DNAH2: variants seen among roughly 807,000 people sequenced by gnomAD.
The protein encoded by DNAH2 is dynein axonemal heavy chain 2, also known as axonemal beta dynein heavy chain 2.
Under a neutral mutation model 523.5 loss-of-function variants are expected in DNAH2, and 323 were observed. The observed-to-expected ratio is 0.62, with a 90% CI of 0.56 to 0.68. DNAH2 has a LOEUF of 0.68. Among genes scored for constraint, DNAH2 ranks in the 30% least tolerant of loss-of-function variants. The pLI is 0.00. For synonymous variants in DNAH2, 2,093 were observed against 2,177.4 expected (o/e 0.96, Z 1.08); for missense variants, 4,907 against 5,701.5 (o/e 0.86, Z 4.49).
chr17:7,831,689 A>C lies in DNAH2; in HGVS notation c.12640A>C (p.Ile4214Leu). 1.2e-6 allele frequency: 2 copies of C among 1,614,154 alleles called. No homozygotes were observed. Among genetic ancestry groups the C allele is most frequent in the Non-Finnish European group, 1.7e-6 (2 of 1,180,026 alleles). ...CTCACTGACAGACCTAGAGAAAGGC[A>C]TCCAGGGTCTCATCGTCATGTCTAC... Reference protein sequence around the residue: ...LFSLTDLEKGIQGLIVMSTSL... With the variant: ...LFSLTDLEKGLQGLIVMSTSL... The change falls in exon 82 of 86, where the codon ATC (isoleucine) becomes CTC (leucine). Residue 4214 changes from isoleucine (I) to leucine (L), a missense_variant. Ile to Leu is a conservative substitution (Grantham distance 5). Transcript: ENST00000572933. The surrounding 1 kb of genome is among the most constrained non-coding windows in gnomAD (Gnocchi z 4.2).
chr17:7,818,649 G>C lies in DNAH2; in HGVS notation c.10543G>C (p.Glu3515Gln). 7 of 1,613,946 alleles carry C rather than the reference G, an allele frequency of 4.3e-6. No homozygotes were observed. The highest frequency in any genetic ancestry group is 5.9e-6 in the Non-Finnish European group (7 of 1,179,986). Residue 3515 changes from glutamate (E) to glutamine (Q), a missense_variant, in exon 70 of 86, where the codon GAG becomes CAG. Physicochemically the swap from Glu to Gln is conservative, Grantham distance 29 (BLOSUM62 2). Coordinates refer to ENST00000572933, the MANE Select transcript of DNAH2 (RefSeq NM_020877.5). ...VNFAVKEQGL[E>Q]AQLLGIVVRK... ...TGAGTCCTGATGCCCCCAGGGCCTG[G>C]AGGCCCAGCTGCTGGGCATTGTGGT...
Position 7,818,876 on chromosome 17 carries a change from C to G in DNAH2, c.10671-43C>G, listed in dbSNP as rs776575869. 3 of 1,605,608 alleles carry G rather than the reference C, an allele frequency of 1.9e-6. No individual in the cohort carries two copies. The African/African-American group carries it at 4.0e-5, about 21-fold the overall frequency. ...ACAACAGCATCCCAGGGAGCCTGGTCCCGCTAACCCCTTGCTCCATGTGCC... is the reference window on the plus strand; with the variant it reads ...ACAACAGCATCCCAGGGAGCCTGGTGCCGCTAACCCCTTGCTCCATGTGCC... On this transcript the variant is annotated intron_variant, in intron 70 of 85. Coordinates refer to ENST00000572933, the MANE Select transcript of DNAH2 (RefSeq NM_020877.5).
chr17:7,819,913 G>C (rs2077806840), intron 72 of DNAH2, among the ~76,000 whole-genome samples: 1 of 152,092 alleles, frequency 6.6e-6, no homozygotes, highest in Non-Finnish European at 1.5e-5. Flanking sequence ...CTCATCCTTG[G>C]ATGGCACCAA....
Position 7,763,985 on chromosome 17 carries a change from G to A in DNAH2, c.3133G>A (p.Gly1045Arg). The A allele has an allele frequency of 1.2e-6, 2 of 1,614,222 alleles. No homozygotes were observed. Among genetic ancestry groups the A allele is most frequent in the Non-Finnish European group, 1.7e-6 (2 of 1,180,044 alleles). The change falls in exon 19 of 86, where the codon GGG (glycine) becomes AGG (arginine). Residue 1045 changes from glycine to arginine, a missense_variant. Coordinates refer to ENST00000572933, the MANE Select transcript of DNAH2 (RefSeq NM_020877.5). Reference sequence around the variant, plus strand: ...GACTCTGCTCAGGGAGATGGCTGCTGGGCGCCTCCTGGAGCTGCACACCTA... The same window carrying A: ...GACTCTGCTCAGGGAGATGGCTGCTAGGCGCCTCCTGGAGCTGCACACCTA... The part of the protein sequence containing the change: ...FATLLREMAA[G>R]RLLELHTYLK...
At position 7,780,603 on chromosome 17, in the gene DNAH2, G is replaced by T. The variant is rs1173842783; in HGVS notation, c.5851-27G>T. 6.2e-7 allele frequency: 1 copy of T among 1,612,308 alleles called. No homozygotes were observed. ...AGAGGGATTTGTGGGGAGATGGACT[G>T]TTTCCTCCTCTGTTTTGGTTCCCCA... On this transcript the variant is annotated intron_variant, in intron 37 of 85. Coordinates refer to ENST00000572933, the MANE Select transcript of DNAH2 (RefSeq NM_020877.5). The surrounding 1 kb of genome is among the most constrained non-coding windows in gnomAD (Gnocchi z 4.4).
chr17:7,831,178 C>T lies in DNAH2; in HGVS notation c.12323C>T (p.Pro4108Leu). 1 of 1,614,018 alleles carries T rather than the reference C, an allele frequency of 6.2e-7. No individual in the cohort carries two copies. Among genetic ancestry groups the T allele is most frequent in the Non-Finnish European group, 8.5e-7 (1 of 1,179,868 alleles). Residue 4108 changes from proline to leucine, a missense_variant, in exon 80 of 86, where the codon CCT (proline) becomes CTT (leucine). This residue lies in a region of DNAH2 where 1,851 missense variants were observed against 2,139.4 expected (regional missense o/e 0.87). Transcript: ENST00000572933. This position sits in a 1 kb window ranked among gnomAD's most constrained non-coding sequence, Gnocchi z 4.2. ...AGCTTATTGCCTGGCATGGACCCCC[C>T]TGAGGCCTTTGGCCAGCACCCCAAT... The part of the protein sequence containing the change: ...YISLLPGMDP[P>L]EAFGQHPNAD...
intron 12 of DNAH2, 81 bp downstream of exon 12, chr17:7,743,223 C>G: frequency 7.5e-7 from 1 of 1,336,018 alleles, no homozygotes; most frequent in East Asian, 2.4e-5. Context: ...CTTTTGACTC[C>G]TCTCTTCATT....
Position 7,804,509 on chromosome 17 carries a change from T to C in DNAH2, c.9183+43T>C, listed in dbSNP as rs749581533. The C allele has an allele frequency of 5.6e-6, 9 of 1,596,290 alleles. No homozygotes were observed. The African/African-American group carries it at 1.1e-4, about 19-fold the overall frequency. On this transcript the variant is annotated intron_variant, in intron 59 of 85. Transcript: ENST00000572933. ...ACCCCCCGTGCCCCACTCCCACCAG[T>C]GCCGGCTACTGCGTCAGGGAACCCA...
Position 7,799,184 on chromosome 17 carries a change from C to G in DNAH2, c.8641C>G (p.Arg2881Gly). 1 of 1,614,248 alleles carries G rather than the reference C, an allele frequency of 6.2e-7. No individual in the cohort carries two copies. Among genetic ancestry groups the G allele is most frequent in the Non-Finnish European group, 8.5e-7 (1 of 1,180,048 alleles). The change falls in exon 56 of 86, where the codon CGC (arginine) becomes GGC (glycine). Residue 2881 changes from arginine to glycine, a missense_variant. Transcript: ENST00000572933. ...SDSLFAYLIE[R>G]VQNNLHIVLC... is the part of the protein sequence containing the mutation. ...CAGCCTCTTCGCCTACCTCATTGAACGCGTGCAGAACAACCTGCACATCGT... is the reference window on the plus strand; with the variant it reads ...CAGCCTCTTCGCCTACCTCATTGAAGGCGTGCAGAACAACCTGCACATCGT...
intron 58 of DNAH2, 79 bp from the exon 59 acceptor site, chr17:7,804,177 C>CGGGGAA (rs2077299048): frequency 6.9e-7 from 1 of 1,451,516 alleles, no homozygotes; most frequent in African/African-American, 1.4e-5. Flanking sequence ...TCGAGACACA[C>CGGGGAA]GGGGAAGGTG....
intron 75 of DNAH2, 65 bp from the exon 76 acceptor site, chr17:7,824,053 CCTT>C (rs910693385): frequency 6.3e-7 from 1 of 1,580,158 alleles, no homozygotes; most frequent in Non-Finnish European, 8.6e-7. Context: ...GTTTCAGTCT[CCTT>C]CATCTCTCTC....
At chr17:7,801,204 G>A (rs894018600) in intron 56 of DNAH2, among the ~76,000 whole-genome samples, 4 of 151,964 alleles carry the variant, frequency 2.6e-5, no homozygotes, top group Admixed American at 2.0e-4. Flanking sequence ...TGTGATACAC[G>A]GTGTACTTAC....
At chr17:7,745,958 C>T (rs1415180621) in intron 12 of DNAH2, among the ~76,000 whole-genome samples, 2 of 152,082 alleles carry the variant, frequency 1.3e-5, no homozygotes, top group African/African-American at 4.8e-5. Flanking sequence ...TGCCACGTGA[C>T]CTCAGGCGGG....
At chr17:7,812,293 A>G (rs1017104882) in intron 63 of DNAH2, among the ~76,000 whole-genome samples, 9 of 152,166 alleles carry the variant, frequency 5.9e-5, no homozygotes, top group Non-Finnish European at 1.2e-4. Flanking sequence ...GGTAAAATAC[A>G]TATAAAATAT....
intron 77 of DNAH2, among the ~76,000 whole-genome samples, chr17:7,825,740 C>G (rs566389198): frequency 3.9e-5 from 6 of 152,322 alleles, no homozygotes; most frequent in Admixed American, 3.3e-4. Context: ...CAACTCTAAT[C>G]CCATCTCTGG....
At chr17:7,747,127 A>T (rs2075540863) in intron 12 of DNAH2, among the ~76,000 whole-genome samples, 1 of 152,108 alleles carries the variant, frequency 6.6e-6, no homozygotes, top group Non-Finnish European at 1.5e-5. Flanking sequence ...TCACATCATG[A>T]ATGGCATTTT....
At chr17:7,787,210 G>A (rs571206832) in intron 42 of DNAH2, 177 bp downstream of exon 42, 9 of 805,426 alleles carry the variant, frequency 1.1e-5, no homozygotes, top group East Asian at 2.7e-5. Flanking sequence ...TTTGCTTGCC[G>A]CGGCTGTTGA....
intron 44 of DNAH2, among the ~76,000 whole-genome samples, chr17:7,791,028 C>T (rs2076881467): frequency 6.6e-6 from 1 of 151,664 alleles, no homozygotes; most frequent in African/African-American, 2.4e-5. Context: ...AAAGGTACAC[C>T]TTTACCTATA....
At chr17:7,759,148 T>C (rs756271727) in intron 15 of DNAH2, 24 bp downstream of exon 15, 1 of 1,611,242 alleles carries the variant, frequency 6.2e-7, no homozygotes, top group South Asian at 1.1e-5. Context: ...GGCCAGGATG[T>C]TGTGGTTGGA....
Sources: allele counts gnomAD v4.1 joint callset (sites outside exome capture counted in the v4.1 genomes callset), GRCh38; gene constraint gnomAD v4.1.1; regional missense constraint gnomAD v4.1.1; non-coding constraint Gnocchi (gnomAD v3.1); transcripts MANE v1.5; gene names NCBI Gene and HGNC (gene_info 2026-07-23, HGNC 2026-07-21).